The following BTBD9 variants were observed in gnomAD, a reference collection of about 807,000 sequenced individuals.
BTBD9 encodes the protein BTB/POZ domain-containing protein 9.
In BTBD9, 49 loss-of-function variants were observed where a neutral mutation model predicts 64.3. That is an observed-to-expected ratio of 0.76 (90% CI 0.61 to 0.97). BTBD9 has a LOEUF of 0.97. Ranked by LOEUF, BTBD9 falls within the 50% of genes least tolerant of loss-of-function variation. The probability of loss-of-function intolerance (pLI) is 0.00; values close to 1 mark genes in which losing one functional copy is unlikely to be tolerated. For missense variants in BTBD9, 598 were observed against 762.1 expected, an observed-to-expected ratio of 0.78 and a Z score of 2.53; for synonymous variants, 260 against 274.7, an observed-to-expected ratio of 0.95 and a Z score of 0.53.
chr6:38,320,849 T>A (rs1287872348), intron 7 of BTBD9, among the ~76,000 whole-genome samples: 1 of 152,198 alleles, frequency 6.6e-6, no homozygotes, highest in Non-Finnish European at 1.5e-5. Context: ...TTACACAAGA[T>A]GGGGGACAAG....
intron 9 of BTBD9, among the ~76,000 whole-genome samples, chr6:38,206,192 T>G (rs1762644021): frequency 6.6e-6 from 1 of 151,620 alleles, no homozygotes; most frequent in Admixed American, 6.6e-5. Flanking sequence ...AGAAAATTAA[T>G]GAAGGATAGG....
intron 10 of BTBD9, among the ~76,000 whole-genome samples, chr6:38,189,366 T>C (rs16890428): frequency 0.07 from 10,663 of 152,296 alleles, 824 homozygotes; most frequent in East Asian, 0.42. Context: ...CATATTTCCA[T>C]TGTTCTCTAA....
chr6:38,613,193 G>A (rs1324165975), intron 1 of BTBD9, among the ~76,000 whole-genome samples: 1 of 152,038 alleles, frequency 6.6e-6, no homozygotes, highest in Non-Finnish European at 1.5e-5. Flanking sequence ...TTTTTCATCA[G>A]AATAGCTATT....
At chr6:38,201,461 C>T (rs1245985093) in intron 9 of BTBD9, among the ~76,000 whole-genome samples, 1 of 152,186 alleles carries the variant, frequency 6.6e-6, no homozygotes, top group Admixed American at 6.5e-5. Flanking sequence ...TAAAAGCCAT[C>T]TATGACAAAC....
At chr6:38,296,505 T>C (rs1221446425) in intron 7 of BTBD9, among the ~76,000 whole-genome samples, 1 of 152,110 alleles carries the variant, frequency 6.6e-6, no homozygotes, top group Admixed American at 6.6e-5. Flanking sequence ...ATTCTATTTT[T>C]TTCCTAACTA....
intron 9 of BTBD9, among the ~76,000 whole-genome samples, chr6:38,232,431 C>A (rs1452506712): frequency 6.6e-6 from 1 of 152,014 alleles, no homozygotes; most frequent in South Asian, 2.1e-4. Context: ...CCACCACGCC[C>A]GGCTAATTTT....
intron 1 of BTBD9, among the ~76,000 whole-genome samples, chr6:38,605,436 A>G (rs965074749): frequency 5.9e-5 from 9 of 152,196 alleles, no homozygotes; most frequent in Non-Finnish European, 1.2e-4. Context: ...TCAAATAAAT[A>G]GGTGACTTGA....
intron 9 of BTBD9, among the ~76,000 whole-genome samples, chr6:38,195,232 G>A (rs1762235870): frequency 6.6e-6 from 1 of 152,212 alleles, no homozygotes; most frequent in Admixed American, 6.5e-5. Flanking sequence ...CAAAGGAGCT[G>A]CCTTGGCTGA....
At chr6:38,537,019 G>C (rs1774050370) in intron 6 of BTBD9, among the ~76,000 whole-genome samples, 2 of 152,092 alleles carry the variant, frequency 1.3e-5, no homozygotes, top group African/African-American at 4.8e-5. Flanking sequence ...TTGAGATGAT[G>C]AATATCCCAT....
chr6:38,410,233 G>C (rs1273124737), intron 6 of BTBD9, among the ~76,000 whole-genome samples: 3 of 152,140 alleles, frequency 2.0e-5, no homozygotes, highest in African/African-American at 7.2e-5. Context: ...CACTTTGGGA[G>C]GCTGAGGCGG....
intron 8 of BTBD9, among the ~76,000 whole-genome samples, chr6:38,282,092 G>C (rs1387092154): frequency 1.3e-5 from 2 of 152,136 alleles, no homozygotes; most frequent in African/African-American, 4.8e-5. Context: ...AGGCGACAGA[G>C]GGACTATAAA....
Position 38,175,183 on chromosome 6 carries a change from C to A in BTBD9, c.1642-1G>T, listed in dbSNP as rs747826254. ...ACTCAAAGTGGACACAGTGGAACAC[C>A]TGGGAGAGAAAAGGAAAAGACCCCA... On this transcript the variant is annotated splice_acceptor_variant, in intron 10 of 10. Coordinates refer to ENST00000481247, the MANE Select transcript of BTBD9 (RefSeq NM_001099272.2). LOFTEE classifies it high-confidence loss of function. 1 of 1,614,140 alleles carries A rather than the reference C, an allele frequency of 6.2e-7. No homozygotes were observed.
chr6:38,579,358 C>T (rs1776190431), intron 5 of BTBD9, among the ~76,000 whole-genome samples: 1 of 152,146 alleles, frequency 6.6e-6, no homozygotes, highest in Non-Finnish European at 1.5e-5. Context: ...TCTGAAGAGG[C>T]ATAAGTGGGG....
intron 7 of BTBD9, among the ~76,000 whole-genome samples, chr6:38,300,541 G>A (rs1208822942): frequency 6.6e-6 from 1 of 151,544 alleles, no homozygotes; most frequent in Non-Finnish European, 1.5e-5. Flanking sequence ...TCATTGAGCA[G>A]TGGTTTGTAG....
At chr6:38,545,319 G>C (rs1017822816) in intron 6 of BTBD9, among the ~76,000 whole-genome samples, 1 of 152,122 alleles carries the variant, frequency 6.6e-6, no homozygotes, top group Non-Finnish European at 1.5e-5. Context: ...TTGATCTCTT[G>C]ACCTCTGGTG....
At chr6:38,331,181 A>G (rs1763662264) in intron 7 of BTBD9, among the ~76,000 whole-genome samples, 1 of 152,246 alleles carries the variant, frequency 6.6e-6, no homozygotes, top group Non-Finnish European at 1.5e-5. Context: ...CAAATTAATA[A>G]TAAGAAAGAA....
intron 9 of BTBD9, among the ~76,000 whole-genome samples, chr6:38,250,746 C>T (rs1025026785): frequency 6.6e-6 from 1 of 152,080 alleles, no homozygotes; most frequent in African/African-American, 2.4e-5. Context: ...AGTAAAGAGT[C>T]GAGAAATATT....
At chr6:38,480,835 T>A (rs1326510104) in intron 6 of BTBD9, among the ~76,000 whole-genome samples, 2 of 152,080 alleles carry the variant, frequency 1.3e-5, no homozygotes, top group Non-Finnish European at 2.9e-5. Flanking sequence ...CCAAACAGAC[T>A]GTAGTGTTGG....
intron 9 of BTBD9, among the ~76,000 whole-genome samples, chr6:38,211,620 T>C (rs1334232612): frequency 2.6e-5 from 4 of 151,786 alleles, no homozygotes; most frequent in Non-Finnish European, 5.9e-5. Flanking sequence ...GGTGCATGCC[T>C]ATAATCCTAG....
Sources: gnomAD v4.1 joint callset for allele counts (sites outside exome capture counted in the v4.1 genomes callset) on GRCh38, gnomAD v4.1.1 for gene constraint, MANE v1.5 for transcripts, NCBI Gene and HGNC (gene_info 2026-07-23, HGNC 2026-07-21) for gene names.